PALM2AKAP2: variants seen among roughly 807,000 people sequenced by gnomAD.
PALM2AKAP2 encodes the protein PALM2-AKAP2 fusion protein.
Under a neutral mutation model 71.5 loss-of-function variants are expected in PALM2AKAP2, and 37 were observed. The observed-to-expected ratio is 0.52, with a 90% CI of 0.40 to 0.68. The LOEUF (loss-of-function observed/expected upper bound fraction) is 0.68. Ranked by LOEUF, PALM2AKAP2 falls within the 30% of genes least tolerant of loss-of-function variation. The pLI is 0.00. For synonymous variants in PALM2AKAP2, 468 were observed against 478.8 expected, an observed-to-expected ratio of 0.98 and a Z score of 0.29; for missense variants, 1,224 against 1,191.8, an observed-to-expected ratio of 1.03 and a Z score of -0.40.
chr9:109,688,881 G>A (rs1345193664), intron 1 of PALM2AKAP2, among the ~76,000 whole-genome samples: 3 of 152,304 alleles, frequency 2.0e-5, no homozygotes, highest in East Asian at 1.9e-4. Flanking sequence ...TCAAAGGAGA[G>A]GCAAATTCCG....
chr9:110,021,824 C>A (rs931300801), intron 7 of PALM2AKAP2, among the ~76,000 whole-genome samples: 12 of 151,410 alleles, frequency 7.9e-5, no homozygotes, highest in Non-Finnish European at 1.8e-4. Context: ...TAGAAAACAA[C>A]AATAACACAG....
intron 1 of PALM2AKAP2, among the ~76,000 whole-genome samples, chr9:110,093,496 C>G (rs1012710877): frequency 6.6e-6 from 1 of 152,160 alleles, no homozygotes; most frequent in East Asian, 1.9e-4. Context: ...AGCAAGATTA[C>G]CATTGCTGAA....
At chr9:110,010,931 G>A (rs1284365838) in intron 6 of PALM2AKAP2, among the ~76,000 whole-genome samples, 1 of 140,890 alleles carries the variant, frequency 7.1e-6, no homozygotes, top group Non-Finnish European at 1.5e-5. Flanking sequence ...GGGAGGCGGA[G>A]GTTGCCATGA....
At chr9:109,671,263 C>A (rs1472657773) in intron 1 of PALM2AKAP2, among the ~76,000 whole-genome samples, 2 of 152,164 alleles carry the variant, frequency 1.3e-5, no homozygotes, top group African/African-American at 4.8e-5. Flanking sequence ...TTTAATCCAT[C>A]TTGAGTTAAT....
intron 1 of PALM2AKAP2, among the ~76,000 whole-genome samples, chr9:110,119,341 C>CAAAAAA (rs200861093): frequency 1.1e-5 from 1 of 88,880 alleles, no homozygotes; most frequent in Non-Finnish European, 2.4e-5. Flanking sequence ...GACTCCATCT[C>CAAAAAA]AAAAAAAAAA....
Position 109,714,353 on chromosome 9 carries a change from T to G in PALM2AKAP2, c.6-66135T>G, listed in dbSNP as rs148989942. On this transcript the variant is annotated intron_variant, in intron 1 of 6. Transcript: ENST00000374531. ...AAACCTTCACAATTTCCACAACTAT[T>G]GCCATGGACTGGGAGCTCTCATCAC... 2.0e-5 allele frequency among the ~76,000 whole-genome samples: 3 copies of G among 152,332 alleles called. No individual in the cohort carries two copies. In the East Asian group the frequency reaches 5.8e-4, roughly 29 times the overall value.
At chr9:109,659,181 G>A (rs1159566135) in intron 1 of PALM2AKAP2, among the ~76,000 whole-genome samples, 2 of 152,144 alleles carry the variant, frequency 1.3e-5, no homozygotes, top group African/African-American at 4.8e-5. Context: ...TCAGAGAATA[G>A]GTTAAACCAA....
At chr9:110,058,041 C>T (rs892935483) in intron 1 of PALM2AKAP2, among the ~76,000 whole-genome samples, 2 of 152,284 alleles carry the variant, frequency 1.3e-5, no homozygotes, top group Middle Eastern at 3.4e-3. Context: ...CGCTCTATAA[C>T]ACACAGGACA....
At chr9:109,646,475 C>G (rs958440169) in intron 1 of PALM2AKAP2, among the ~76,000 whole-genome samples, 1 of 152,192 alleles carries the variant, frequency 6.6e-6, no homozygotes, top group African/African-American at 2.4e-5. Flanking sequence ...TTCCCCATCA[C>G]CAGTCAGATG....
intron 3 of PALM2AKAP2, among the ~76,000 whole-genome samples, chr9:110,158,279 C>T (rs941199206): frequency 1.3e-5 from 2 of 152,338 alleles, no homozygotes; most frequent in Middle Eastern, 3.4e-3. Flanking sequence ...GGTTTCTTTT[C>T]TCCCAGTGAC....
rs149893491 is a variant in PALM2AKAP2, at chr9:109,867,058, C to G, written c.46-433C>G. The G allele has an allele frequency of 2.6e-5, 12 of 456,728 alleles. No homozygotes were observed. The East Asian group carries it at 7.6e-4, about 29-fold the overall frequency. 28.3% of individuals were successfully genotyped at this position (456,728 alleles called of 1,614,324 possible). A position where few individuals can be genotyped will look rare whatever the true frequency, so the allele number is the denominator to read the frequency against. On this transcript the variant is annotated intron_variant, in intron 1 of 9. Transcript: ENST00000302798. ...CAAATAAATCTCACCCAGAATTTCC[C>G]ACTGTCTTATTCTATGGTATTTGCA... is the stretch of plus-strand genomic sequence containing the variant.
At chr9:109,672,194 A>AAT (rs1165622705) in intron 1 of PALM2AKAP2, among the ~76,000 whole-genome samples, 6 of 152,130 alleles carry the variant, frequency 3.9e-5, no homozygotes, top group Non-Finnish European at 7.4e-5. Context: ...TTTCAAGGGG[A>AAT]ATGCTTCCAG....
At chr9:109,782,317 G>A (rs1478961680) in intron 1 of PALM2AKAP2, among the ~76,000 whole-genome samples, 2 of 152,190 alleles carry the variant, frequency 1.3e-5, no homozygotes, top group Non-Finnish European at 2.9e-5. Flanking sequence ...AGTTTGTCCT[G>A]TGTATCTGGG....
chr9:110,022,935 T>A (rs1274427238), intron 7 of PALM2AKAP2, among the ~76,000 whole-genome samples: 1 of 152,238 alleles, frequency 6.6e-6, no homozygotes, highest in Non-Finnish European at 1.5e-5. Context: ...TGCATAGTAT[T>A]CCATGGTGTA....
intron 6 of PALM2AKAP2, among the ~76,000 whole-genome samples, chr9:109,964,957 A>G (rs1831918885): frequency 6.6e-6 from 1 of 152,172 alleles, no homozygotes; most frequent in African/African-American, 2.4e-5. Context: ...AGGATGTGTC[A>G]TCTTTCATCT....
intron 1 of PALM2AKAP2, among the ~76,000 whole-genome samples, chr9:109,701,673 C>G (rs1324015294): frequency 6.6e-6 from 1 of 152,210 alleles, no homozygotes. Context: ...CCATTCAGCA[C>G]ATAGGCATGG....
At chr9:110,109,864 A>G (rs1374794284) in intron 1 of PALM2AKAP2, among the ~76,000 whole-genome samples, 1 of 152,154 alleles carries the variant, frequency 6.6e-6, no homozygotes, top group Admixed American at 6.5e-5. Flanking sequence ...GAAGTACCAT[A>G]TGACCTAGCA....
At chr9:109,916,273 T>C (rs990643757) in intron 3 of PALM2AKAP2, among the ~76,000 whole-genome samples, 1 of 152,096 alleles carries the variant, frequency 6.6e-6, no homozygotes, top group African/African-American at 2.4e-5. Context: ...GAACTGGAGA[T>C]TGAATGGCAC....
intron 1 of PALM2AKAP2, among the ~76,000 whole-genome samples, chr9:109,763,493 G>T (rs2118742264): frequency 6.6e-6 from 1 of 152,240 alleles, no homozygotes; most frequent in East Asian, 1.9e-4. Context: ...GAACTGTTTG[G>T]GGTGCCAAAT....
Sources: allele counts gnomAD v4.1 joint callset (sites outside exome capture counted in the v4.1 genomes callset), GRCh38; gene constraint gnomAD v4.1.1; transcripts MANE v1.5; gene names NCBI Gene and HGNC (gene_info 2026-07-23, HGNC 2026-07-21).